PPIP5K1: variants seen among roughly 807,000 people sequenced by gnomAD.
PPIP5K1 encodes the protein inositol hexakisphosphate and diphosphoinositol-pentakisphosphate kinase 1.
A neutral mutation model predicts 27.7 loss-of-function variants in PPIP5K1; 6 were observed. That is an observed-to-expected ratio of 0.22 (90% CI 0.12 to 0.43). PPIP5K1 has a LOEUF of 0.43. Among genes scored for constraint, PPIP5K1 ranks in the 20% least tolerant of loss-of-function variants. The pLI is 1.00. For missense variants in PPIP5K1, 394 were observed against 635.4 expected (o/e 0.62, Z 4.08); for synonymous variants, 145 against 242.6 (o/e 0.60, Z 3.74).
chr15:43,535,319 C>G lies in PPIP5K1; in HGVS notation c.3828G>C (p.Gly1276=). 6.8e-6 allele frequency: 11 copies of G among 1,614,178 alleles called. No homozygotes were observed. Among genetic ancestry groups the G allele is most frequent in the Non-Finnish European group, 9.3e-6 (11 of 1,180,036 alleles). The change falls in exon 32 of 32, where the codon GGG becomes GGC. Residue 1276 remains glycine, a synonymous_variant. Coordinates refer to ENST00000420765, the MANE Select transcript of PPIP5K1 (RefSeq NM_001394395.1). The part of the protein sequence containing the change: ...QGLGLLQETP[G]SGAQELSIEG... ...CTATGGAGAGCTCTTGTGCTCCACT[C>G]CCAGGGGTCTCCTGGAGCAGCCCAA...
intron 30 of PPIP5K1, 151 bp from the exon 31 acceptor site, chr15:43,539,734 T>C (rs1233806675): frequency 1.4e-5 from 8 of 581,498 alleles, no homozygotes. Context: ...ACCAAACCAT[T>C]TTCAATTTTT....
intron 31 of PPIP5K1, among the ~76,000 whole-genome samples, 164 bp downstream of exon 31, chr15:43,539,306 A>G (rs1269102880): frequency 2.6e-5 from 4 of 152,192 alleles, no homozygotes; most frequent in Non-Finnish European, 5.9e-5. Flanking sequence ...GAATAAACAG[A>G]TTCTCCTTTC....
At position 43,535,491 on chromosome 15, in the gene PPIP5K1, C is replaced by A; in HGVS notation, c.3671-15G>T. On this transcript the variant is annotated splice_polypyrimidine_tract_variant and intron_variant, in intron 31 of 31. Transcript: ENST00000420765. ...GCCACTGCTGTCTGTAAAGCAAAGTCAAGAGATCAAGTTAGAGAAGCTGGA... is the reference window on the plus strand; with the variant it reads ...GCCACTGCTGTCTGTAAAGCAAAGTAAAGAGATCAAGTTAGAGAAGCTGGA... The A allele has an allele frequency of 1.3e-6, 2 of 1,538,938 alleles. No individual in the cohort carries two copies. The highest frequency in any genetic ancestry group is 1.3e-5 in the South Asian group (1 of 77,926).
At chr15:43,557,727 T>G (rs2141075050) in intron 30 of PPIP5K1, among the ~76,000 whole-genome samples, 1 of 148,404 alleles carries the variant, frequency 6.7e-6, no homozygotes, top group Non-Finnish European at 1.5e-5. Context: ...CGCAGTGGCG[T>G]GATCATAGCT....
intron 30 of PPIP5K1, among the ~76,000 whole-genome samples, chr15:43,557,599 T>C (rs1191472246): frequency 6.6e-6 from 1 of 152,160 alleles, no homozygotes; most frequent in African/African-American, 2.4e-5. Flanking sequence ...TAAAATGTGG[T>C]AGGGCTAGTA....
In PPIP5K1 at chr15:43,537,344, C is replaced by CAA. The variant is rs375557879; in HGVS notation, c.3671-1870_3671-1869dup. On this transcript the variant is annotated intron_variant, in intron 31 of 31. Transcript: ENST00000420765. ...TGGATGACAGAGCAAGACTCCACCT[C>CAA]AAAAAAAAAAAAAAAAAAAAAAAAA... 185 of 83,528 alleles carry CAA rather than the reference C, an allele frequency of 2.2e-3. 3 individuals are homozygous for CAA. The highest frequency in any genetic ancestry group is 7.2e-3 in the East Asian group (12 of 1,674). The allele number at this position is 83,528 out of a possible 1,614,324, so 5.2% of individuals were successfully genotyped here.
Position 43,548,552 on chromosome 15 carries a change from G to GT in PPIP5K1, c.3557-8970dup, listed in dbSNP as rs34145101. On this transcript the variant is annotated intron_variant, in intron 30 of 31. Transcript: ENST00000420765. Reference sequence around the variant, plus strand: ...GGTGTGAGCCACCGCACCCTGCGTTGTTTTTTTTTTTTTTAAGCAAGACAG... The same window carrying GT: ...GGTGTGAGCCACCGCACCCTGCGTTGTTTTTTTTTTTTTTTAAGCAAGACAG... 7.7e-3 allele frequency: 1,041 copies of GT among 135,412 alleles called. 6 individuals carry two copies. The highest frequency in any genetic ancestry group is 0.018 in the African/African-American group (657 of 37,024). The allele number at this position is 135,412 out of a possible 1,614,324, so 8.4% of individuals were successfully genotyped here. A position where few individuals can be genotyped will look rare whatever the true frequency, so the allele number is the denominator to read the frequency against.
At chr15:43,567,150 T>C (rs1191221068) in intron 26 of PPIP5K1, among the ~76,000 whole-genome samples, 1 of 99,784 alleles carries the variant, frequency 1.0e-5, no homozygotes, top group Non-Finnish European at 1.7e-5. Flanking sequence ...AGAGTGTCAC[T>C]CTGTCACCCA....
chr15:43,545,474 C>CTTTT (rs56710390), intron 30 of PPIP5K1, among the ~76,000 whole-genome samples: 14 of 119,052 alleles, frequency 1.2e-4, no homozygotes, highest in East Asian at 2.4e-4. Flanking sequence ...CTGTACACTT[C>CTTTT]TTTTTTTTTT....
At chr15:43,537,674 G>T in intron 31 of PPIP5K1, among the ~76,000 whole-genome samples, 1 of 118,410 alleles carries the variant, frequency 8.4e-6, no homozygotes. Flanking sequence ...GGGTGACGGA[G>T]CAAGACTCCA....
At chr15:43,540,302 T>C (rs945619946) in intron 30 of PPIP5K1, among the ~76,000 whole-genome samples, 2 of 151,672 alleles carry the variant, frequency 1.3e-5, no homozygotes, top group Non-Finnish European at 2.9e-5. Flanking sequence ...TGGTGGCTCA[T>C]GCCTGTAAAC....
At chr15:43,543,223 G>A (rs553539763) in intron 30 of PPIP5K1, among the ~76,000 whole-genome samples, 2 of 136,186 alleles carry the variant, frequency 1.5e-5, no homozygotes, top group African/African-American at 5.7e-5. Flanking sequence ...ATTTCATGTG[G>A]TAGGAGGTAA....
At chr15:43,547,225 T>C (rs903944419) in intron 30 of PPIP5K1, among the ~76,000 whole-genome samples, 1 of 152,236 alleles carries the variant, frequency 6.6e-6, no homozygotes, top group Non-Finnish European at 1.5e-5. Context: ...TCAAGTCCTT[T>C]GCTCCTTTTT....
rs753845411 is a variant in PPIP5K1 at position 43,539,502 on chromosome 15, T to G, written c.3638A>C (p.Gln1213Pro). Residue 1213 changes from glutamine (Q) to proline (P), a missense_variant, in exon 31 of 32, where the codon CAA (glutamine) becomes CCA (proline). Physicochemically the swap from Gln to Pro is moderately conservative, Grantham distance 76 (BLOSUM62 -1). Around this residue, in one of 4 missense-constraint regions of PPIP5K1, gnomAD observed 379 missense variants for 423.9 expected, o/e 0.89. Transcript: ENST00000420765. ...PPRTLHSPPL[Q>P]LQQRSEKPPW... ...GGGCTTCTCAGAGCGCTGCTGGAGT[T>G]GCAGGGGAGGTGAATGAAGAGTACG... is the stretch of plus-strand genomic sequence containing the variant. The G allele has an allele frequency of 1.2e-6, 2 of 1,607,246 alleles. No homozygotes were observed. Among genetic ancestry groups the G allele is most frequent in the East Asian group, 2.2e-5 (1 of 44,850 alleles).
intron 30 of PPIP5K1, among the ~76,000 whole-genome samples, chr15:43,555,041 T>C (rs2082755745): frequency 6.6e-6 from 1 of 152,102 alleles, no homozygotes; most frequent in African/African-American, 2.4e-5. Flanking sequence ...TTCCCCATGT[T>C]GGCCAGGCTG....
At chr15:43,537,182 A>G (rs1455123196) in intron 31 of PPIP5K1, among the ~76,000 whole-genome samples, 1 of 150,402 alleles carries the variant, frequency 6.6e-6, no homozygotes, top group African/African-American at 2.4e-5. Flanking sequence ...TAAAAATACA[A>G]AAAAAAATTA....
chr15:43,552,956 C>T (rs892752500), intron 30 of PPIP5K1, among the ~76,000 whole-genome samples: 3 of 151,780 alleles, frequency 2.0e-5, no homozygotes, highest in Non-Finnish European at 2.9e-5. Context: ...GGTGGGGAAT[C>T]GCTTGAATGC....
intron 30 of PPIP5K1, among the ~76,000 whole-genome samples, chr15:43,541,116 T>A (rs900363070): frequency 2.6e-5 from 4 of 152,102 alleles, no homozygotes; most frequent in African/African-American, 9.7e-5. Context: ...CCTCTCCTTT[T>A]TTCATAGTAA....
chr15:43,553,713 C>T (rs988086665), intron 30 of PPIP5K1, among the ~76,000 whole-genome samples: 4 of 149,948 alleles, frequency 2.7e-5, no homozygotes, highest in Non-Finnish European at 3.0e-5. Flanking sequence ...GGCGCGATCT[C>T]GGCTTATTGC....
Sources: gnomAD v4.1 joint callset for allele counts (sites outside exome capture counted in the v4.1 genomes callset) on GRCh38, gnomAD v4.1.1 for gene constraint, gnomAD v4.1.1 regional missense constraint, MANE v1.5 for transcripts, NCBI Gene and HGNC (gene_info 2026-07-23, HGNC 2026-07-21) for gene names.